The following SORCS2 variants were observed in gnomAD, a reference collection of about 807,000 sequenced individuals.
The protein encoded by SORCS2 is VPS10 domain-containing receptor SorCS2.
Under a neutral mutation model 141.6 loss-of-function variants are expected in SORCS2, and 100 were observed. The observed-to-expected ratio is 0.71, with a 90% confidence interval of 0.60 to 0.83. The LOEUF (loss-of-function observed/expected upper bound fraction) is 0.83. Ranked by LOEUF, SORCS2 falls within the 40% of genes least tolerant of loss-of-function variation. The pLI is 0.00. For missense variants in SORCS2, 1,646 were observed against 1,560.2 expected, an observed-to-expected ratio of 1.05 and a Z score of -0.93; for synonymous variants, 789 against 676.9, an observed-to-expected ratio of 1.17 and a Z score of -2.57.
intron 1 of SORCS2, among the ~76,000 whole-genome samples, chr4:7,322,103 A>G (rs527419213): frequency 6.6e-6 from 1 of 152,324 alleles, no homozygotes; most frequent in African/African-American, 2.4e-5. Context: ...TGGGGTTTAT[A>G]GCAGGCTGTC....
chr4:7,717,068 C>T (rs563233478), intron 17 of SORCS2, among the ~76,000 whole-genome samples: 18 of 152,340 alleles, frequency 1.2e-4, no homozygotes, highest in East Asian at 9.7e-4. Context: ...CTTTCACAGA[C>T]GCATAGTGTA....
chr4:7,528,210 G>A (rs1733820885), intron 2 of SORCS2, among the ~76,000 whole-genome samples: 1 of 152,150 alleles, frequency 6.6e-6, no homozygotes, highest in Non-Finnish European at 1.5e-5. Flanking sequence ...ATGAGGGGGT[G>A]AATTTGAATT....
chr4:7,323,128 A>G (rs1690146484), intron 1 of SORCS2, among the ~76,000 whole-genome samples: 1 of 152,248 alleles, frequency 6.6e-6, no homozygotes, highest in African/African-American at 2.4e-5. Flanking sequence ...AATAACCGCC[A>G]GTTTTGCAAA....
intron 4 of SORCS2, among the ~76,000 whole-genome samples, chr4:7,639,869 G>A (rs116183828): frequency 0.013 from 2,004 of 151,878 alleles, 45 homozygotes; most frequent in African/African-American, 0.045. Context: ...GTGTGATTGC[G>A]TGTATGAGTG....
chr4:7,473,185 C>T (rs1730085129), intron 2 of SORCS2, among the ~76,000 whole-genome samples: 2 of 152,180 alleles, frequency 1.3e-5, no homozygotes, highest in Admixed American at 6.5e-5. Flanking sequence ...GAACAAACAT[C>T]CCATCAATAA....
At chr4:7,712,929 C>G in intron 15 of SORCS2, 76 bp downstream of exon 15, 1 of 1,575,228 alleles carries the variant, frequency 6.3e-7, no homozygotes, top group East Asian at 2.3e-5. Context: ...CTGCCAAAGT[C>G]CTCCCCTGCA....
chr4:7,248,864 CA>C (rs1713300431), intron 1 of SORCS2, among the ~76,000 whole-genome samples: 1 of 152,130 alleles, frequency 6.6e-6, no homozygotes, highest in African/African-American at 2.4e-5. Context: ...GAGGATAGCT[CA>C]GGGGGTGGGA....
chr4:7,555,739 T>C (rs1185526857), intron 3 of SORCS2, among the ~76,000 whole-genome samples: 1 of 152,110 alleles, frequency 6.6e-6, no homozygotes, highest in Non-Finnish European at 1.5e-5. Flanking sequence ...AAGGGGATCA[T>C]GGGGGATTTT....
intron 14 of SORCS2, among the ~76,000 whole-genome samples, chr4:7,708,967 C>T (rs1054041039): frequency 6.6e-6 from 1 of 152,172 alleles, no homozygotes; most frequent in Non-Finnish European, 1.5e-5. Context: ...TGCATAAAAT[C>T]CTTCATGACT....
intron 1 of SORCS2, among the ~76,000 whole-genome samples, chr4:7,384,364 G>C (rs1338532322): frequency 6.6e-6 from 1 of 152,200 alleles, no homozygotes; most frequent in African/African-American, 2.4e-5. Flanking sequence ...TTATTTTAAT[G>C]AGACGGTGAC....
chr4:7,226,514 A>G (rs1159997968), intron 1 of SORCS2, among the ~76,000 whole-genome samples: 1 of 152,110 alleles, frequency 6.6e-6, no homozygotes, highest in Non-Finnish European at 1.5e-5. Context: ...GGGGGAATGT[A>G]TGAGGGGACT....
chr4:7,338,029 G>T (rs1217999006), intron 1 of SORCS2, among the ~76,000 whole-genome samples: 1 of 152,214 alleles, frequency 6.6e-6, no homozygotes, highest in Non-Finnish European at 1.5e-5. Flanking sequence ...GTACCTGCTG[G>T]GTTTTGAGCT....
At chr4:7,623,613 G>A (rs1016099478) in intron 3 of SORCS2, among the ~76,000 whole-genome samples, 3 of 152,102 alleles carry the variant, frequency 2.0e-5, no homozygotes, top group Middle Eastern at 3.4e-3. Context: ...CATCTCCTGC[G>A]GCTGTCTCCT....
intron 1 of SORCS2, among the ~76,000 whole-genome samples, chr4:7,260,502 C>T (rs935195711): frequency 1.4e-4 from 22 of 152,208 alleles, no homozygotes; most frequent in Admixed American, 1.2e-3. Flanking sequence ...TGACTCTGGG[C>T]CAGTGGGCTT....
chr4:7,553,782 C>A (rs147059205), intron 3 of SORCS2, among the ~76,000 whole-genome samples: 1 of 152,168 alleles, frequency 6.6e-6, no homozygotes, highest in Non-Finnish European at 1.5e-5. Context: ...TGGTGTATGT[C>A]AATCATGACT....
intron 2 of SORCS2, among the ~76,000 whole-genome samples, chr4:7,445,312 T>C (rs778074209): frequency 2.0e-5 from 3 of 151,790 alleles, no homozygotes; most frequent in South Asian, 2.1e-4. Context: ...GGTTCTGAGG[T>C]TGGGGACATC....
chr4:7,684,222 A>C (rs1043623728), intron 10 of SORCS2, among the ~76,000 whole-genome samples: 1 of 152,150 alleles, frequency 6.6e-6, no homozygotes, highest in Non-Finnish European at 1.5e-5. Flanking sequence ...CCCCCTGACT[A>C]TGTGATCTTG....
At chr4:7,434,048 C>T in intron 2 of SORCS2, 2 of 1,611,324 alleles carry the variant, frequency 1.2e-6, no homozygotes, top group Non-Finnish European at 1.7e-6. Flanking sequence ...CTTGGCAACC[C>T]CAGCTCCAGG....
In SORCS2 at chr4:7,490,271, C is replaced by T. The variant is rs560425270; in HGVS notation, c.549-41259C>T. 1.2e-4 allele frequency among the ~76,000 whole-genome samples: 18 copies of T among 152,298 alleles called. No homozygotes were observed. In the South Asian group the frequency reaches 2.9e-3, roughly 25 times the overall value. ...GGAAAAGACCATCTCCCTTCTGACTCGGCCTGGGGGGAGCTCAACACAGCT... is the reference window on the plus strand; with the variant it reads ...GGAAAAGACCATCTCCCTTCTGACTTGGCCTGGGGGGAGCTCAACACAGCT... On this transcript the variant is annotated intron_variant, in intron 2 of 26. Transcript: ENST00000507866.
Sources: allele counts gnomAD v4.1 joint callset (sites outside exome capture counted in the v4.1 genomes callset), GRCh38; gene constraint gnomAD v4.1.1; transcripts MANE v1.5; gene names NCBI Gene and HGNC (gene_info 2026-07-23, HGNC 2026-07-21).